The following CDH20 variants were observed in gnomAD, a reference collection of about 807,000 sequenced individuals.
CDH20 encodes the protein cadherin-20.
A neutral mutation model predicts 74.2 loss-of-function variants in CDH20; 29 were observed. That is an observed-to-expected ratio of 0.39 (90% CI 0.29 to 0.53). CDH20 has a LOEUF of 0.53. Among genes scored for constraint, CDH20 ranks in the 20% least tolerant of loss-of-function variants. The pLI is 0.69. For missense variants in CDH20, 988 were observed against 1,048.3 expected (o/e 0.94, Z 0.79); for synonymous variants, 469 against 405.4 (o/e 1.16, Z -1.88).
intron 1 of CDH20, among the ~76,000 whole-genome samples, chr18:61,462,867 G>C (rs1315956685): frequency 6.6e-6 from 1 of 152,012 alleles, no homozygotes; most frequent in Non-Finnish European, 1.5e-5. Context: ...GGTTCCTCAG[G>C]GGAAGAGATA....
intron 7 of CDH20, among the ~76,000 whole-genome samples, chr18:61,529,091 C>A (rs1912551974): frequency 6.6e-6 from 1 of 152,146 alleles, no homozygotes; most frequent in South Asian, 2.1e-4. Context: ...AACCAAAGTG[C>A]AAATAGTTGA....
intron 1 of CDH20, among the ~76,000 whole-genome samples, chr18:61,434,912 T>A (rs1908781135): frequency 6.6e-6 from 1 of 152,160 alleles, no homozygotes; most frequent in African/African-American, 2.4e-5. Context: ...ATGTCTAAGA[T>A]AAGGACTGAG....
chr18:61,395,218 GGGT>G (rs1911924645), intron 1 of CDH20, among the ~76,000 whole-genome samples: 1 of 152,110 alleles, frequency 6.6e-6, no homozygotes, highest in East Asian at 1.9e-4. Flanking sequence ...CAGGCTGTCT[GGGT>G]CTGAGAACTA....
chr18:61,347,317 TATACACACACACACAC>T (rs1910154666), intron 1 of CDH20, among the ~76,000 whole-genome samples: 1 of 69,660 alleles, frequency 1.4e-5, no homozygotes, highest in African/African-American at 5.7e-5. Context: ...TATATATATA[TATACACACACACACAC>T]ACACACACAC....
At chr18:61,504,658 G>A (rs143008594) in intron 5 of CDH20, among the ~76,000 whole-genome samples, 17 of 152,136 alleles carry the variant, frequency 1.1e-4, no homozygotes, top group Admixed American at 3.3e-4. Flanking sequence ...AGCAGGAAGT[G>A]CAATTCCAGG....
rs750064266 is a variant in CDH20 at position 61,550,129 on chromosome 18, C to T, written c.1800C>T (p.Asp600=). ...LTIQVCSCDD[D]GHVMSCSPEA... is the part of the protein sequence containing the mutation. ...TCCAAGTGTGCAGCTGTGATGACGACGGCCACGTCATGTCCTGCAGCCCAG... is the reference window on the plus strand; with the variant it reads ...TCCAAGTGTGCAGCTGTGATGACGATGGCCACGTCATGTCCTGCAGCCCAG... Residue 600 remains aspartate (D), a synonymous_variant, in exon 11 of 12, where the codon GAC becomes GAT. Transcript: ENST00000262717. The T allele has an allele frequency of 6.8e-6, 11 of 1,614,230 alleles. No homozygotes were observed. The highest frequency in any genetic ancestry group is 2.2e-5 in the East Asian group (1 of 44,888).
chr18:61,548,661 A>G (rs1913332030), intron 10 of CDH20, among the ~76,000 whole-genome samples: 1 of 152,246 alleles, frequency 6.6e-6, no homozygotes, highest in African/African-American at 2.4e-5. Context: ...TCTTGCTCAC[A>G]TACAGCCTGC....
At chr18:61,497,989 G>T (rs1027758073) in intron 2 of CDH20, among the ~76,000 whole-genome samples, 1 of 152,016 alleles carries the variant, frequency 6.6e-6, no homozygotes, top group African/African-American at 2.4e-5. Context: ...AAAATTACAG[G>T]GTTCTTGCCA....
chr18:61,410,556 G>A (rs976210283), intron 1 of CDH20, among the ~76,000 whole-genome samples: 4 of 151,962 alleles, frequency 2.6e-5, no homozygotes, highest in African/African-American at 4.8e-5. Flanking sequence ...AGCAGAACAC[G>A]TTATAAGGCT....
At chr18:61,459,596 T>G (rs1480721822) in intron 1 of CDH20, among the ~76,000 whole-genome samples, 1 of 152,156 alleles carries the variant, frequency 6.6e-6, no homozygotes, top group Non-Finnish European at 1.5e-5. Flanking sequence ...CAAGATGTGG[T>G]CCACCAACTA....
chr18:61,400,671 T>C (rs769778005), intron 1 of CDH20, among the ~76,000 whole-genome samples: 38 of 152,182 alleles, frequency 2.5e-4, no homozygotes, highest in Non-Finnish European at 2.9e-4. Context: ...GGTAAATGCA[T>C]CACCCTAATA....
rs10585438 is a variant in CDH20, at chr18:61,527,366, A to AATAGATAGATAGATAG, written c.1018-567_1018-552dup. On this transcript the variant is annotated intron_variant, in intron 6 of 11. Coordinates refer to ENST00000262717, the MANE Select transcript of CDH20 (RefSeq NM_031891.4). ...TAGGCCTCAGTTGCATGAATATTCT[A>AATAGATAGATAGATAG]ATAGATAGATAGATAGATAGATAGA... 8.7e-4 allele frequency among the ~76,000 whole-genome samples: 123 copies of AATAGATAGATAGATAG among 142,144 alleles called. 1 individual carries two copies. Among genetic ancestry groups the AATAGATAGATAGATAG allele is most frequent in the African/African-American group, 2.3e-3 (88 of 38,894 alleles). The allele number at this position is 142,144 out of a possible 152,430, so 93.3% of individuals were successfully genotyped here.
At chr18:61,433,559 C>T (rs1356163939) in intron 1 of CDH20, among the ~76,000 whole-genome samples, 1 of 152,102 alleles carries the variant, frequency 6.6e-6, no homozygotes, top group East Asian at 1.9e-4. Flanking sequence ...AACATGAGGC[C>T]AATGATATCC....
intron 4 of CDH20, among the ~76,000 whole-genome samples, chr18:61,502,010 A>C (rs967548544): frequency 3.9e-5 from 6 of 152,194 alleles, no homozygotes; most frequent in Admixed American, 6.5e-5. Context: ...ACTACAATGC[A>C]ATATATACAT....
chr18:61,437,636 T>A (rs1238467079), intron 1 of CDH20, among the ~76,000 whole-genome samples: 1 of 152,132 alleles, frequency 6.6e-6, no homozygotes, highest in Non-Finnish European at 1.5e-5. Flanking sequence ...AAGTTCTGGG[T>A]TAAGAATAGT....
rs756956505 is a variant in CDH20 at position 61,490,720 on chromosome 18, G to A, written c.167G>A (p.Arg56Gln). 5.6e-6 allele frequency: 9 copies of A among 1,614,010 alleles called. No individual in the cohort carries two copies. The highest frequency in any genetic ancestry group is 2.2e-5 in the South Asian group (2 of 91,080). The change falls in exon 2 of 12, where the codon CGG (arginine) becomes CAG (glutamine). Residue 56 changes from arginine to glutamine, a missense_variant. Coordinates refer to ENST00000262717, the MANE Select transcript of CDH20 (RefSeq NM_031891.4). ...LLSDKPQSHQRTKRSWVWNQF... is the reference protein window; with the variant it reads ...LLSDKPQSHQQTKRSWVWNQF... ...TCAGACAAGCCACAGTCACATCAGC[G>A]GACCAAGAGGAGCTGGGTTTGGAAC...
chr18:61,527,846 C>T, intron 6 of CDH20, 121 bp from the exon 7 acceptor site: 1 of 894,480 alleles, frequency 1.1e-6, no homozygotes, highest in South Asian at 1.7e-5. Context: ...TACCTTTTTC[C>T]CACTTAATGA....
chr18:61,438,451 G>T (rs1908910250), intron 1 of CDH20, among the ~76,000 whole-genome samples: 1 of 152,172 alleles, frequency 6.6e-6, no homozygotes, highest in Middle Eastern at 3.4e-3. Context: ...ACAGGCAGAG[G>T]TTACCTTTAA....
At chr18:61,533,418 A>G (rs574401988) in intron 7 of CDH20, among the ~76,000 whole-genome samples, 32 of 152,352 alleles carry the variant, frequency 2.1e-4, no homozygotes, top group East Asian at 1.5e-3. Flanking sequence ...GAAGCTGTGT[A>G]TTAAGTACAT....
Sources: gnomAD v4.1 joint callset for allele counts (sites outside exome capture counted in the v4.1 genomes callset) on GRCh38, gnomAD v4.1.1 for gene constraint, MANE v1.5 for transcripts, NCBI Gene and HGNC (gene_info 2026-07-23, HGNC 2026-07-21) for gene names.